NKAIN2: variants seen among roughly 807,000 people sequenced by gnomAD.
NKAIN2 encodes sodium/potassium transporting ATPase interacting 2.
Under a neutral mutation model 32.6 loss-of-function variants are expected in NKAIN2, and 14 were observed. The ratio of observed to expected loss-of-function variants is 0.43; its 90% CI spans 0.28 to 0.67. NKAIN2 has a LOEUF of 0.67. Ranked by LOEUF, NKAIN2 falls within the 30% of genes least tolerant of loss-of-function variation. The pLI is 0.17. For synonymous variants in NKAIN2, 80 were observed against 87.2 expected, an observed-to-expected ratio of 0.92 and a Z score of 0.46; for missense variants, 198 against 258.3, an observed-to-expected ratio of 0.77 and a Z score of 1.60.
intron 1 of NKAIN2, among the ~76,000 whole-genome samples, chr6:123,949,689 A>AT (rs1777235176): frequency 1.3e-5 from 2 of 151,868 alleles, no homozygotes; most frequent in South Asian, 2.1e-4. Flanking sequence ...TCGGTTTAAG[A>AT]TTTTTTTGGT....
chr6:124,727,500 C>A (rs1476728483), intron 4 of NKAIN2, among the ~76,000 whole-genome samples: 3 of 150,656 alleles, frequency 2.0e-5, no homozygotes, highest in Non-Finnish European at 4.4e-5. Flanking sequence ...TACAGACAAG[C>A]AAATGCTGAG....
At chr6:124,511,627 A>G (rs1778717487) in intron 3 of NKAIN2, among the ~76,000 whole-genome samples, 1 of 152,316 alleles carries the variant, frequency 6.6e-6, no homozygotes. Flanking sequence ...AAAGTAATGT[A>G]AACTAATACT....
chr6:124,021,639 A>G (rs1445799243), intron 1 of NKAIN2, among the ~76,000 whole-genome samples: 1 of 151,990 alleles, frequency 6.6e-6, no homozygotes. Context: ...GATTTATTTT[A>G]AAAGGAAAAG....
At chr6:123,824,231 A>T (rs1774045500) in intron 1 of NKAIN2, among the ~76,000 whole-genome samples, 1 of 152,114 alleles carries the variant, frequency 6.6e-6, no homozygotes, top group Non-Finnish European at 1.5e-5. Context: ...CACAAAGTCC[A>T]TGCACTAACA....
chr6:124,568,374 G>T (rs531739730), intron 3 of NKAIN2, among the ~76,000 whole-genome samples: 26 of 152,200 alleles, frequency 1.7e-4, no homozygotes, highest in Middle Eastern at 3.4e-3. Flanking sequence ...AACAACAGGC[G>T]TGATATAGAG....
intron 3 of NKAIN2, among the ~76,000 whole-genome samples, chr6:124,429,600 T>C (rs1011700807): frequency 1.3e-5 from 2 of 152,182 alleles, no homozygotes; most frequent in African/African-American, 4.8e-5. Flanking sequence ...GTGCTAAGAC[T>C]GTATTTGGCT....
intron 3 of NKAIN2, among the ~76,000 whole-genome samples, chr6:124,581,424 C>T (rs1227563907): frequency 1.8e-5 from 2 of 110,112 alleles, no homozygotes; most frequent in African/African-American, 3.5e-5. Flanking sequence ...CCGGCCTGGG[C>T]AACAGAGCGA....
chr6:124,473,074 A>G (rs551630259), intron 3 of NKAIN2, among the ~76,000 whole-genome samples: 14 of 152,320 alleles, frequency 9.2e-5, no homozygotes, highest in East Asian at 1.9e-4. Context: ...CCACAAAGGA[A>G]AGCGCCCAAA....
chr6:124,176,678 C>A (rs1341555799), intron 1 of NKAIN2, among the ~76,000 whole-genome samples: 1 of 151,116 alleles, frequency 6.6e-6, no homozygotes, highest in Non-Finnish European at 1.5e-5. Flanking sequence ...ATACAGATTC[C>A]TGCCATGTTA....
intron 1 of NKAIN2, among the ~76,000 whole-genome samples, chr6:123,903,769 T>C (rs113043683): frequency 6.6e-6 from 1 of 152,200 alleles, no homozygotes; most frequent in South Asian, 2.1e-4. Flanking sequence ...TTAGTAATAT[T>C]ATTTGCCTAA....
At chr6:124,577,101 G>T (rs770168417) in intron 3 of NKAIN2, among the ~76,000 whole-genome samples, 1 of 151,946 alleles carries the variant, frequency 6.6e-6, no homozygotes. Context: ...AAAACTCAAA[G>T]GAAAAATATT....
chr6:124,071,506 A>C (rs1020834251), intron 1 of NKAIN2, among the ~76,000 whole-genome samples: 1 of 152,220 alleles, frequency 6.6e-6, no homozygotes, highest in African/African-American at 2.4e-5. Context: ...GCTTCTCCAC[A>C]GCATAAGAAA....
chr6:123,833,928 A>G (rs956591666), intron 1 of NKAIN2, among the ~76,000 whole-genome samples: 2 of 151,522 alleles, frequency 1.3e-5, no homozygotes, highest in African/African-American at 4.9e-5. Context: ...GGGTTTCACC[A>G]TGTTTGTCAG....
intron 4 of NKAIN2, among the ~76,000 whole-genome samples, chr6:124,729,784 T>C (rs1361742092): frequency 5.3e-5 from 8 of 151,906 alleles, no homozygotes; most frequent in African/African-American, 1.5e-4. Flanking sequence ...TCTTTGCAGA[T>C]GACATGATTG....
chr6:124,547,897 TAC>T (rs1218068641), intron 3 of NKAIN2, among the ~76,000 whole-genome samples: 3 of 152,148 alleles, frequency 2.0e-5, no homozygotes, highest in African/African-American at 7.2e-5. Context: ...CCCACCACCC[TAC>T]ACACACGTCA....
intron 1 of NKAIN2, among the ~76,000 whole-genome samples, chr6:123,890,307 C>G (rs1350721345): frequency 6.6e-6 from 1 of 151,606 alleles, no homozygotes; most frequent in Non-Finnish European, 1.5e-5. Flanking sequence ...ACTACTCAAG[C>G]AGAAAACTAG....
At chr6:124,748,821 A>C (rs573579069) in intron 4 of NKAIN2, among the ~76,000 whole-genome samples, 2 of 147,876 alleles carry the variant, frequency 1.4e-5, no homozygotes, top group South Asian at 4.4e-4. Flanking sequence ...ACCATTTGCT[A>C]CTTTCCCCAG....
At chr6:123,978,342 T>C (rs1356115777) in intron 1 of NKAIN2, among the ~76,000 whole-genome samples, 3 of 152,182 alleles carry the variant, frequency 2.0e-5, no homozygotes, top group African/African-American at 7.2e-5. Context: ...CTTTCCCTTT[T>C]GAATTATGAG....
intron 4 of NKAIN2, among the ~76,000 whole-genome samples, chr6:124,744,895 G>C (rs1404167313): frequency 6.6e-6 from 1 of 151,752 alleles, no homozygotes; most frequent in African/African-American, 2.4e-5. Flanking sequence ...CTCCAAAATG[G>C]TAAAGTTCAA....
Sources: allele counts gnomAD v4.1 joint callset (sites outside exome capture counted in the v4.1 genomes callset), GRCh38; gene constraint gnomAD v4.1.1; transcripts MANE v1.5; gene names NCBI Gene and HGNC (gene_info 2026-07-23, HGNC 2026-07-21).